Variants in TET2 observed in about 807,000 individuals in gnomAD.
The protein encoded by TET2 is methylcytosine dioxygenase TET2.
In TET2, 299 loss-of-function variants were observed where a neutral mutation model predicts 142.9. The observed-to-expected ratio is 2.09, with a 90% confidence interval of 1.90 to 2.30. The LOEUF (loss-of-function observed/expected upper bound fraction) is 2.30, where lower values mean the gene tolerates loss of function less well. Among genes scored for constraint, TET2 ranks in the 30% most tolerant of loss-of-function variants. The pLI, the probability that TET2 is intolerant of heterozygous loss-of-function variation, is 0.00. For missense variants in TET2, 2,418 were observed against 2,378.0 expected, an observed-to-expected ratio of 1.02 and a Z score of -0.35; for synonymous variants, 819 against 849.0, an observed-to-expected ratio of 0.96 and a Z score of 0.61.
intron 2 of TET2, among the ~76,000 whole-genome samples, chr4:105,197,287 T>C (rs1247169568): frequency 6.6e-6 from 1 of 152,236 alleles, no homozygotes; most frequent in Non-Finnish European, 1.5e-5. Flanking sequence ...AGAGCTGTTG[T>C]GAATGATATT....
chr4:105,241,632 C>G, intron 4 of TET2: 1 of 1,291,554 alleles, frequency 7.7e-7, no homozygotes, highest in Non-Finnish European at 9.9e-7. Flanking sequence ...AGTCTGCTAG[C>G]TGGCACAGGC....
At chr4:105,231,021 T>C (rs1728478204) in intron 2 of TET2, among the ~76,000 whole-genome samples, 1 of 152,194 alleles carries the variant, frequency 6.6e-6, no homozygotes, top group Admixed American at 6.5e-5. Context: ...CCCATCCTTA[T>C]CTTGTAGCAT....
chr4:105,188,120 T>C (rs978635742), intron 1 of TET2, among the ~76,000 whole-genome samples: 1 of 152,190 alleles, frequency 6.6e-6, no homozygotes, highest in Admixed American at 6.5e-5. Flanking sequence ...GCAACCCAAA[T>C]GCCTACAGAT....
intron 1 of TET2, chr4:105,177,776 G>A (rs532993375): frequency 3.9e-5 from 6 of 152,270 alleles, no homozygotes; most frequent in Non-Finnish European, 1.5e-5. Flanking sequence ...GCGCTCCTTG[G>A]TATGGACTTG....
intron 6 of TET2, among the ~76,000 whole-genome samples, chr4:105,244,083 C>T (rs578103310): frequency 6.6e-6 from 1 of 152,296 alleles, no homozygotes; most frequent in South Asian, 2.1e-4. Flanking sequence ...AGTGACGGCT[C>T]CTGTGTGCCT....
chr4:105,259,873 A>C, intron 7 of TET2, 104 bp downstream of exon 7: 2 of 1,180,594 alleles, frequency 1.7e-6, no homozygotes, highest in Non-Finnish European at 2.2e-6. Context: ...CTTATTAATC[A>C]AAGTTTTTCC....
intron 3 of TET2, chr4:105,240,661 G>C (rs1416691716): frequency 9.3e-7 from 1 of 1,079,984 alleles, no homozygotes; most frequent in Non-Finnish European, 1.1e-6. Context: ...TATTTGGTAA[G>C]TTGTAATCGT....
intron 1 of TET2, among the ~76,000 whole-genome samples, chr4:105,182,703 A>T (rs796088950): frequency 2.6e-5 from 4 of 152,314 alleles, no homozygotes; most frequent in African/African-American, 9.6e-5. Flanking sequence ...ACATTAGAGA[A>T]TATTGTTACT....
intron 4 of TET2, chr4:105,242,434 A>G (rs1239618031): frequency 1.8e-6 from 2 of 1,088,598 alleles, no homozygotes; most frequent in Non-Finnish European, 2.3e-6. Context: ...TTGGAGGAAC[A>G]GTTCTAACTA....
Position 105,236,287 on chromosome 4 carries a change from A to G in TET2, c.2345A>G (p.Glu782Gly), listed in dbSNP as rs1728893666. Residue 782 changes from glutamate (E) to glycine (G), a missense_variant, in exon 3 of 11, where the codon GAA becomes GGA. By Grantham distance (98) the Glu-to-Gly change is moderately conservative. Coordinates refer to ENST00000380013, the MANE Select transcript of TET2 (RefSeq NM_001127208.3). ...TCATTCTTTGGCCAGACTAAAGTGG[A>G]AGAATGTTTTCATGGTGAAAATCAG... ...EGSFFGQTKV[E>G]ECFHGENQYS... 5 of 1,614,012 alleles carry G rather than the reference A, an allele frequency of 3.1e-6. No homozygotes were observed. The highest frequency in any genetic ancestry group is 4.2e-6 in the Non-Finnish European group (5 of 1,180,020).
intron 10 of TET2, 52 bp from the exon 11 acceptor site, chr4:105,274,996 A>C (rs1731127291): frequency 1.4e-6 from 2 of 1,459,762 alleles, no homozygotes; most frequent in Non-Finnish European, 1.8e-6. Flanking sequence ...TTCATAAAAT[A>C]ATCATCAACA....
chr4:105,174,126 A>C (rs1278491437), intron 1 of TET2, among the ~76,000 whole-genome samples: 2 of 152,186 alleles, frequency 1.3e-5, no homozygotes, highest in African/African-American at 4.8e-5. Flanking sequence ...TATATAAGTA[A>C]AATTTTAGGG....
In TET2 at chr4:105,244,584, A is replaced by ATC. The variant is rs1237638072; in HGVS notation, c.3803+807_3803+808insCT. ...TGAATGTTCACGGTGCTACACAGAA[A>ATC]TGTTTTTTTTTTTTTTTTTTTTTTT... On this transcript the variant is annotated intron_variant, in intron 6 of 10. Transcript: ENST00000380013. 5.7e-3 allele frequency among the ~76,000 whole-genome samples: 663 copies of ATC among 116,742 alleles called. 110 individuals are homozygous for ATC. The highest frequency in any genetic ancestry group is 0.022 in the African/African-American group (621 of 28,450). The allele number at this position is 116,742 out of a possible 152,430, so 76.6% of individuals were successfully genotyped here. A position where few individuals can be genotyped will look rare whatever the true frequency, so the allele number is the denominator to read the frequency against.
chr4:105,229,319 T>A (rs992960752), intron 2 of TET2, among the ~76,000 whole-genome samples: 1 of 152,326 alleles, frequency 6.6e-6, no homozygotes, highest in Admixed American at 6.5e-5. Flanking sequence ...GAGTTATAAC[T>A]TTATTTTTTT....
chr4:105,215,700 G>GT (rs947476932), intron 2 of TET2, among the ~76,000 whole-genome samples: 250 of 151,636 alleles, frequency 1.6e-3, no homozygotes, highest in African/African-American at 5.8e-3. Flanking sequence ...AGATCAGCCA[G>GT]TTTTTTTTTC....
chr4:105,176,657 T>A (rs1724812993), intron 1 of TET2, among the ~76,000 whole-genome samples: 1 of 152,116 alleles, frequency 6.6e-6, no homozygotes, highest in Non-Finnish European at 1.5e-5. Context: ...AATGAAGAGA[T>A]GTTACATGTT....
Position 105,154,031 on chromosome 4 carries a change from CAAGA to C in TET2, c.-193+7056_-193+7059del, listed in dbSNP as rs759493800. Among the ~76,000 whole-genome samples the C allele has an allele frequency of 6.6e-5, 10 of 152,262 alleles. No homozygotes were observed. In the South Asian group the frequency reaches 1.7e-3, roughly 25 times the overall value. On this transcript the variant is annotated intron_variant, in intron 1 of 10. Coordinates refer to ENST00000380013, the MANE Select transcript of TET2 (RefSeq NM_001127208.3). ...GTCACATAGGTGAATCTGAGAGGCA[CAAGA>C]AAGGCCACATATGATATGCTTTCAA...
At chr4:105,164,744 T>G (rs1724064857) in intron 1 of TET2, among the ~76,000 whole-genome samples, 1 of 152,232 alleles carries the variant, frequency 6.6e-6, no homozygotes, top group African/African-American at 2.4e-5. Context: ...AGAGTTGGCA[T>G]AGCTTTCTCA....
At chr4:105,201,719 C>G (rs894514160) in intron 2 of TET2, among the ~76,000 whole-genome samples, 2 of 131,422 alleles carry the variant, frequency 1.5e-5, no homozygotes, top group Non-Finnish European at 3.2e-5. Flanking sequence ...AACAGAACAT[C>G]TTCATCCAGG....
Sources: allele counts gnomAD v4.1 joint callset (sites outside exome capture counted in the v4.1 genomes callset), GRCh38; gene constraint gnomAD v4.1.1; transcripts MANE v1.5; gene names NCBI Gene and HGNC (gene_info 2026-07-23, HGNC 2026-07-21).